Variants in STPG2 observed in about 807,000 individuals in gnomAD.
The protein encoded by STPG2 is sperm tail PG-rich repeat containing 2.
Under a neutral mutation model 54.2 loss-of-function variants are expected in STPG2, and 56 were observed. The observed-to-expected ratio is 1.03, with a 90% CI of 0.83 to 1.29. The LOEUF (loss-of-function observed/expected upper bound fraction) is 1.29, where lower values mean the gene tolerates loss of function less well. Among genes scored for constraint, STPG2 ranks in the 50% most tolerant of loss-of-function variants. The pLI, the probability that STPG2 is intolerant of heterozygous loss-of-function variation, is 0.00. For missense variants in STPG2, 596 were observed against 544.9 expected (o/e 1.09, Z -0.93); for synonymous variants, 200 against 181.8 (o/e 1.10, Z -0.81).
chr4:98,070,570 T>C (rs544632563), intron 5 of STPG2, among the ~76,000 whole-genome samples: 1 of 151,622 alleles, frequency 6.6e-6, no homozygotes, highest in Admixed American at 6.6e-5. Context: ...AGAGAGGATG[T>C]CAAATTATCT....
intron 3 of STPG2, among the ~76,000 whole-genome samples, chr4:98,122,521 C>T (rs1445560205): frequency 6.6e-6 from 1 of 151,658 alleles, no homozygotes; most frequent in Non-Finnish European, 1.5e-5. Flanking sequence ...ATATGTTGAA[C>T]CAACCTTGCA....
chr4:97,489,043 T>G (rs1730440780), intron 4 of STPG2, among the ~76,000 whole-genome samples: 1 of 151,486 alleles, frequency 6.6e-6, no homozygotes, highest in Non-Finnish European at 1.5e-5. Context: ...TGGGGGCGGG[T>G]CTTTCCCATG....
chr4:97,856,085 T>C (rs1002556149), intron 8 of STPG2, among the ~76,000 whole-genome samples: 14 of 152,206 alleles, frequency 9.2e-5, no homozygotes, highest in African/African-American at 3.4e-4. Context: ...GACTATAGTG[T>C]GAAGTCAGGT....
chr4:97,924,441 G>A (rs1578696430), intron 8 of STPG2, among the ~76,000 whole-genome samples: 1 of 152,324 alleles, frequency 6.6e-6, no homozygotes, highest in East Asian at 1.9e-4. Context: ...ACATAGTTTT[G>A]TATATAATTA....
intron 5 of STPG2, among the ~76,000 whole-genome samples, chr4:98,042,219 TG>T (rs1197000197): frequency 2.4e-5 from 3 of 125,070 alleles, no homozygotes; most frequent in African/African-American, 9.4e-5. Flanking sequence ...GGATTTTCTC[TG>T]TTTTTTTTGG....
At chr4:97,941,376 A>T (rs992829268) in intron 8 of STPG2, among the ~76,000 whole-genome samples, 1 of 152,118 alleles carries the variant, frequency 6.6e-6, no homozygotes, top group East Asian at 1.9e-4. Context: ...GCTTGAAACA[A>T]CTTTCTGTTT....
intron 5 of STPG2, among the ~76,000 whole-genome samples, chr4:98,022,822 C>T (rs1430363360): frequency 6.6e-6 from 1 of 152,190 alleles, no homozygotes; most frequent in Non-Finnish European, 1.5e-5. Context: ...GCTCCTGAGG[C>T]TTCTGCATTC....
At chr4:97,955,253 C>T (rs1346046802) in intron 7 of STPG2, among the ~76,000 whole-genome samples, 4 of 145,146 alleles carry the variant, frequency 2.8e-5, no homozygotes, top group South Asian at 2.1e-4. Context: ...CTCACTCTGT[C>T]GCCCAGGCTG....
chr4:97,581,303 C>T (rs192848377), intron 10 of STPG2, among the ~76,000 whole-genome samples: 2 of 152,156 alleles, frequency 1.3e-5, no homozygotes, highest in Admixed American at 1.3e-4. Flanking sequence ...GCAGTTAGCA[C>T]TTTTAAGTAA....
intron 10 of STPG2, among the ~76,000 whole-genome samples, chr4:97,610,331 TAAGTA>T (rs986003321): frequency 2.6e-5 from 4 of 152,042 alleles, no homozygotes; most frequent in African/African-American, 7.2e-5. Context: ...GAACTATCAC[TAAGTA>T]AAGTAAACAA....
intron 10 of STPG2, among the ~76,000 whole-genome samples, chr4:97,686,915 T>C (rs1723207375): frequency 1.3e-5 from 2 of 151,222 alleles, no homozygotes; most frequent in African/African-American, 4.8e-5. Flanking sequence ...TTTTATTTTA[T>C]TTTACTAATT....
intron 4 of STPG2, among the ~76,000 whole-genome samples, chr4:97,511,959 G>A (rs1464677098): frequency 6.6e-6 from 1 of 152,110 alleles, no homozygotes; most frequent in Non-Finnish European, 1.5e-5. Flanking sequence ...GGTGGTGAGA[G>A]ATGAGGCTGG....
At chr4:98,031,065 A>G (rs1736580917) in intron 5 of STPG2, among the ~76,000 whole-genome samples, 1 of 152,226 alleles carries the variant, frequency 6.6e-6, no homozygotes, top group South Asian at 2.1e-4. Context: ...ACAGGCACAT[A>G]GACCAATGGA....
chr4:97,709,584 G>A (rs1024471248), intron 10 of STPG2, among the ~76,000 whole-genome samples: 5 of 151,272 alleles, frequency 3.3e-5, no homozygotes, highest in Admixed American at 6.6e-5. Flanking sequence ...ATATTTAAAG[G>A]ATTTTATGAC....
chr4:98,136,582 T>TA (rs1360119554), intron 1 of STPG2, among the ~76,000 whole-genome samples: 1 of 151,594 alleles, frequency 6.6e-6, no homozygotes, highest in Non-Finnish European at 1.5e-5. Context: ...GTGCAAAATT[T>TA]TAAAAAAATG....
At chr4:97,749,813 T>C (rs1472909117) in intron 9 of STPG2, among the ~76,000 whole-genome samples, 1 of 151,796 alleles carries the variant, frequency 6.6e-6, no homozygotes. Flanking sequence ...CTAATTCTGA[T>C]GTTTGTTCTC....
At chr4:97,708,571 A>G (rs1396445837) in intron 10 of STPG2, among the ~76,000 whole-genome samples, 1 of 151,956 alleles carries the variant, frequency 6.6e-6, no homozygotes, top group Admixed American at 6.6e-5. Flanking sequence ...AAGATCAGGT[A>G]TAAAACTATC....
At chr4:98,082,977 G>C (rs896571568) in intron 5 of STPG2, among the ~76,000 whole-genome samples, 2 of 151,966 alleles carry the variant, frequency 1.3e-5, no homozygotes, top group Non-Finnish European at 2.9e-5. Context: ...CTCCATTCTA[G>C]TGCCCTTATA....
At chr4:97,740,558 T>C (rs569371616) in intron 9 of STPG2, among the ~76,000 whole-genome samples, 14 of 152,214 alleles carry the variant, frequency 9.2e-5, no homozygotes, top group Middle Eastern at 3.4e-3. Flanking sequence ...AGCATTCTTA[T>C]ACACCAATAA....
Sources: gnomAD v4.1 joint callset for allele counts (sites outside exome capture counted in the v4.1 genomes callset) on GRCh38, gnomAD v4.1.1 for gene constraint, MANE v1.5 for transcripts, NCBI Gene and HGNC (gene_info 2026-07-23, HGNC 2026-07-21) for gene names.